Variants in LRAT observed in about 807,000 individuals in gnomAD.
LRAT encodes lecithin retinol acyltransferase.
A neutral mutation model predicts 14.2 loss-of-function variants in LRAT; 11 were observed. The ratio of observed to expected loss-of-function variants is 0.78; its 90% CI spans 0.49 to 1.29. The LOEUF is 1.29. Ranked by LOEUF, LRAT falls within the 50% of genes most tolerant of loss-of-function variation. The probability of loss-of-function intolerance (pLI) is 0.00; values close to 1 mark genes in which losing one functional copy is unlikely to be tolerated. For missense variants in LRAT, 274 were observed against 292.4 expected, an observed-to-expected ratio of 0.94 and a Z score of 0.46; for synonymous variants, 144 against 124.8, an observed-to-expected ratio of 1.15 and a Z score of -1.03.
At chr4:154,745,147 T>A (rs1171750224) in intron 2 of LRAT, among the ~76,000 whole-genome samples, 1 of 150,544 alleles carries the variant, frequency 6.6e-6, no homozygotes, top group Non-Finnish European at 1.5e-5. Flanking sequence ...GCCTCCTGAG[T>A]AGCTGGGACT....
At chr4:154,746,058 T>A (rs1164750751) in intron 2 of LRAT, among the ~76,000 whole-genome samples, 3 of 152,188 alleles carry the variant, frequency 2.0e-5, no homozygotes, top group African/African-American at 7.2e-5. Context: ...AAAAATGGAT[T>A]TTTATTTCCT....
chr4:154,751,761 A>AAT lies in LRAT; in HGVS notation c.*2626_*2627insTA. The AAT allele has an allele frequency of 1.8e-5, 2 of 109,780 alleles. No homozygotes were observed. The highest frequency in any genetic ancestry group is 3.1e-5 in the African/African-American group (1 of 32,464). The allele number at this position is 109,780 out of a possible 1,614,324, so 6.8% of individuals were successfully genotyped here. On this transcript the variant is annotated 3_prime_UTR_variant, in exon 3 of 3. Coordinates refer to ENST00000336356, the MANE Select transcript of LRAT (RefSeq NM_004744.5). ...AAAAAAAAAAAAAAAAAAAAAAAAAAAAAGAAGAAGAAACCCTGAGCCATT... is the reference window on the plus strand; with the variant it reads ...AAAAAAAAAAAAAAAAAAAAAAAAAAATAAAGAAGAAGAAACCCTGAGCCATT...
At chr4:154,743,223 C>T (rs752507476), upstream of LRAT, among the ~76,000 whole-genome samples, 1 of 151,198 alleles carries the variant, frequency 6.6e-6, no homozygotes, top group Non-Finnish European at 1.5e-5. Context: ...CGGTGGCTCA[C>T]GCCTGTAATC....
intron 2 of LRAT, among the ~76,000 whole-genome samples, chr4:154,745,123 A>G (rs533037192): frequency 7.4e-6 from 1 of 135,506 alleles, no homozygotes; most frequent in African/African-American, 2.8e-5. Context: ...AGTTCACGCC[A>G]TTCTCCTGCC....
upstream of LRAT, chr4:154,740,899 G>T (rs2111027604): frequency 6.6e-6 from 1 of 152,354 alleles, no homozygotes; most frequent in South Asian, 2.1e-4. Context: ...GCTACTCAGG[G>T]TAGAGGAATT....
At chr4:154,746,120 C>T (rs1732880900) in intron 2 of LRAT, among the ~76,000 whole-genome samples, 1 of 152,190 alleles carries the variant, frequency 6.6e-6, no homozygotes, top group Non-Finnish European at 1.5e-5. Flanking sequence ...CCTGAAACTT[C>T]ACTTACAATT....
chr4:154,743,438 G>A (rs562870235), upstream of LRAT, among the ~76,000 whole-genome samples: 10 of 152,200 alleles, frequency 6.6e-5, no homozygotes, highest in Admixed American at 6.5e-4. Flanking sequence ...AGGTTGCAGT[G>A]AGCCCAGATC....
chr4:154,746,155 A>C (rs1732881742), intron 2 of LRAT, among the ~76,000 whole-genome samples: 1 of 152,208 alleles, frequency 6.6e-6, no homozygotes, highest in Admixed American at 6.5e-5. Context: ...CCTTCATTGC[A>C]CTTGTTAAAG....
In LRAT at chr4:154,744,407, G is replaced by T; in HGVS notation, c.81G>T (p.Ser27=). Residue 27 remains serine (S), a synonymous_variant, in exon 2 of 3, where the codon TCG becomes TCT. Transcript: ENST00000336356. ...TCTCCAACTTCACGCTCTTTAGTTC[G>T]GGCGCCGCGGGCGAAGACAAAGGGA... The part of the protein sequence containing the change: ...LLISNFTLFS[S]GAAGEDKGRN... 6.2e-7 allele frequency: 1 copy of T among 1,614,144 alleles called. No homozygotes were observed. The highest frequency in any genetic ancestry group is 8.5e-7 in the Non-Finnish European group (1 of 1,180,044).
upstream of LRAT, among the ~76,000 whole-genome samples, chr4:154,742,931 A>G (rs7660756): frequency 0.096 from 14,498 of 151,680 alleles, 2,288 homozygotes; most frequent in African/African-American, 0.32. Context: ...AGCTGGGTCC[A>G]TGTGACCCTG....
rs1187117002 is a variant in LRAT at position 154,749,025 on chromosome 4, T to C, written c.582T>C (p.Ser194=). 4 of 1,613,720 alleles carry C rather than the reference T, an allele frequency of 2.5e-6. No individual in the cohort carries two copies. In the African/African-American group the frequency reaches 4.0e-5, roughly 16 times the overall value. Reference sequence around the variant, plus strand: ...AGATAATTATTCGTGATCAGAGAAGTGTTCTTGCTTCAGCAGTCTTGGGAT... The same window carrying C: ...AGATAATTATTCGTGATCAGAGAAGCGTTCTTGCTTCAGCAGTCTTGGGAT... ...TVKIIIRDQR[S]VLASAVLGLA... Residue 194 remains serine (S), a synonymous_variant, in exon 3 of 3, where the codon AGT becomes AGC. Transcript: ENST00000336356.
At position 154,744,562 on chromosome 4, in the gene LRAT, T is replaced by G. The variant is rs780908255; in HGVS notation, c.236T>G (p.Leu79Trp). ...GCCCACATGATGCCCGACATCCTGT[T>G]GGCCCTGACAGACGACATGGGGCGC... Reference protein sequence around the residue: ...RVAHMMPDILLALTDDMGRTQ... With the variant: ...RVAHMMPDILWALTDDMGRTQ... Residue 79 changes from leucine to tryptophan, a missense_variant, in exon 2 of 3, where the codon TTG becomes TGG. Coordinates refer to ENST00000336356, the MANE Select transcript of LRAT (RefSeq NM_004744.5). 2.8e-5 allele frequency: 45 copies of G among 1,614,078 alleles called. No individual in the cohort carries two copies. The highest frequency in any genetic ancestry group is 3.8e-5 in the Non-Finnish European group (45 of 1,180,040).
rs1423299492 is a variant in LRAT at position 154,744,431 on chromosome 4, G to A, written c.105G>A (p.Gly35=). The change falls in exon 2 of 3, where the codon GGG becomes GGA. Residue 35 remains glycine, a synonymous_variant. Coordinates refer to ENST00000336356, the MANE Select transcript of LRAT (RefSeq NM_004744.5). ...FSSGAAGEDK[G]RNSFYETSSF... is the part of the protein sequence containing the mutation. ...CGGGCGCCGCGGGCGAAGACAAAGGGAGGAACAGTTTTTATGAAACCAGCT... is the reference window on the plus strand; with the variant it reads ...CGGGCGCCGCGGGCGAAGACAAAGGAAGGAACAGTTTTTATGAAACCAGCT... 1.9e-6 allele frequency: 3 copies of A among 1,614,102 alleles called. No individual in the cohort carries two copies. The highest frequency in any genetic ancestry group is 1.3e-5 in the African/African-American group (1 of 75,062).
Position 154,749,948 on chromosome 4 carries a change from T to C in LRAT, c.*812T>C, listed in dbSNP as rs1480699658. On this transcript the variant is annotated 3_prime_UTR_variant, in exon 3 of 3. Transcript: ENST00000336356. ...TGTGTGTGTGAAATAAATATGTAGA[T>C]AGTCACATATACACAGACTGAGAGA... 6.6e-6 allele frequency: 1 copy of C among 152,224 alleles called. No homozygotes were observed. Among genetic ancestry groups the C allele is most frequent in the East Asian group, 1.9e-4 (1 of 5,204 alleles). 9.4% of individuals were successfully genotyped at this position (152,224 alleles called of 1,614,324 possible).
upstream of LRAT, among the ~76,000 whole-genome samples, chr4:154,742,098 C>T (rs574218200): frequency 4.2e-4 from 64 of 152,220 alleles, no homozygotes; most frequent in African/African-American, 5.5e-4. Flanking sequence ...CTATCAGACT[C>T]CCCCGATTTT....
At chr4:154,743,840 T>G, upstream of LRAT, 2 of 158,546 alleles carry the variant, frequency 1.3e-5, no homozygotes, top group Non-Finnish European at 1.4e-5. Context: ...GAGCTGGGAG[T>G]CGGCCCGCCC....
Position 154,751,387 on chromosome 4 carries a change from G to C in LRAT, c.*2251G>C, listed in dbSNP as rs1456692109. The C allele has an allele frequency of 7.4e-6, 1 of 134,936 alleles. No individual in the cohort carries two copies. Among genetic ancestry groups the C allele is most frequent in the Non-Finnish European group, 1.6e-5 (1 of 61,962 alleles). 8.4% of individuals were successfully genotyped at this position (134,936 alleles called of 1,614,324 possible). A position where few individuals can be genotyped will look rare whatever the true frequency, so the allele number is the denominator to read the frequency against. Reference sequence around the variant, plus strand: ...ATCTTTGTTTTGTTGTGCTGAGTTTGATTAGTTGCTTAACCAAGTAGAAAG... The same window carrying C: ...ATCTTTGTTTTGTTGTGCTGAGTTTCATTAGTTGCTTAACCAAGTAGAAAG... On this transcript the variant is annotated 3_prime_UTR_variant, in exon 3 of 3. Coordinates refer to ENST00000336356, the MANE Select transcript of LRAT (RefSeq NM_004744.5).
rs1553973380 is a variant in LRAT, at chr4:154,751,761, A to AAAAAAAAAAAG, written c.*2628_*2629insAAAAAAAGAAA. On this transcript the variant is annotated 3_prime_UTR_variant, in exon 3 of 3. Coordinates refer to ENST00000336356, the MANE Select transcript of LRAT (RefSeq NM_004744.5). Reference sequence around the variant, plus strand: ...AAAAAAAAAAAAAAAAAAAAAAAAAAAAAGAAGAAGAAACCCTGAGCCATT... The same window carrying AAAAAAAAAAAG: ...AAAAAAAAAAAAAAAAAAAAAAAAAAAAAAAAAAAAGAAAGAAGAAGAAACCCTGAGCCATT... The AAAAAAAAAAAG allele has an allele frequency of 3.3e-4, 36 of 109,688 alleles. 2 individuals are homozygous for AAAAAAAAAAAG. The highest frequency in any genetic ancestry group is 4.9e-4 in the Non-Finnish European group (26 of 52,950). The allele number at this position is 109,688 out of a possible 1,614,324, so 6.8% of individuals were successfully genotyped here.
At chr4:154,742,004 G>A (rs1288218256), upstream of LRAT, among the ~76,000 whole-genome samples, 1 of 152,004 alleles carries the variant, frequency 6.6e-6, no homozygotes, top group Non-Finnish European at 1.5e-5. Flanking sequence ...AAGAGGCTTC[G>A]GTATTGGCGC....
Sources: allele counts gnomAD v4.1 joint callset (sites outside exome capture counted in the v4.1 genomes callset), GRCh38; gene constraint gnomAD v4.1.1; transcripts MANE v1.5; gene names NCBI Gene and HGNC (gene_info 2026-07-23, HGNC 2026-07-21).